The following UBTF variants were observed in gnomAD, a reference collection of about 807,000 sequenced individuals.
The protein encoded by UBTF is nucleolar transcription factor 1.
A neutral mutation model predicts 112.3 loss-of-function variants in UBTF; 8 were observed. The ratio of observed to expected loss-of-function variants is 0.07; its 90% CI spans 0.04 to 0.13. The LOEUF (loss-of-function observed/expected upper bound fraction) is 0.13. Ranked by LOEUF, UBTF falls within the 10% of genes least tolerant of loss-of-function variation. The pLI, the probability that UBTF is intolerant of heterozygous loss-of-function variation, is 1.00. For synonymous variants in UBTF, 417 were observed against 373.1 expected (o/e 1.12, Z -1.36); for missense variants, 457 against 982.1 (o/e 0.47, Z 7.15).
At position 44,213,064 on chromosome 17, in the gene UBTF, CCTGT is replaced by C. The variant is rs71361564; in HGVS notation, c.540-129_540-126del. ...GGCTCAGTGGGACGGTGGCTGCCTG[CCTGT>C]CTCTGTCCCTGAGCATGACACACTA... On this transcript the variant is annotated intron_variant, in intron 6 of 20. Transcript: ENST00000436088. 2,710 of 1,543,720 alleles carry C rather than the reference CCTGT, an allele frequency of 1.8e-3. 43 individuals are homozygous for C. The African/African-American group carries it at 0.033, about 19-fold the overall frequency.
At chr17:44,216,931 G>A (rs1046118440) in intron 2 of UBTF, among the ~76,000 whole-genome samples, 22 of 152,180 alleles carry the variant, frequency 1.4e-4, no homozygotes, top group African/African-American at 4.3e-4. Flanking sequence ...AGCCAGGCTC[G>A]AACTCAAGTC....
At chr17:44,220,239 G>A (rs1184969596), upstream of UBTF, among the ~76,000 whole-genome samples, 1 of 151,924 alleles carries the variant, frequency 6.6e-6, no homozygotes, top group Non-Finnish European at 1.5e-5. Flanking sequence ...GTGCGGCCGC[G>A]GAGAGGGTGC....
chr17:44,209,741 G>A lies in UBTF; in HGVS notation c.1627-8C>T, dbSNP rs1198066648. 1 of 1,613,754 alleles carries A rather than the reference G, an allele frequency of 6.2e-7. No homozygotes were observed. The highest frequency in any genetic ancestry group is 8.5e-7 in the Non-Finnish European group (1 of 1,179,920). On this transcript the variant is annotated splice_region_variant and splice_polypyrimidine_tract_variant and intron_variant, in intron 15 of 20. Transcript: ENST00000436088. Reference sequence around the variant, plus strand: ...CATCTCACTCAGCTCTCTCTGGAGGGAGAAAGGTCACGCTCACCCCCCAGT... The same window carrying A: ...CATCTCACTCAGCTCTCTCTGGAGGAAGAAAGGTCACGCTCACCCCCCAGT...
Position 44,209,633 on chromosome 17 carries a change from C to T in UBTF, c.1715+12G>A, listed in dbSNP as rs2056522963. 1.2e-6 allele frequency: 2 copies of T among 1,614,054 alleles called. No homozygotes were observed. The highest frequency in any genetic ancestry group is 1.7e-5 in the Admixed American group (1 of 60,002). On this transcript the variant is annotated intron_variant, in intron 16 of 20. Coordinates refer to ENST00000436088, the MANE Select transcript of UBTF (RefSeq NM_014233.4). Reference sequence around the variant, plus strand: ...CCCGACCTCCAGGGCAGACTCCAACCCCCAGGCTCACATGGGAGGCTTCTT... The same window carrying T: ...CCCGACCTCCAGGGCAGACTCCAACTCCCAGGCTCACATGGGAGGCTTCTT...
Position 44,207,741 on chromosome 17 carries a change from G to A in UBTF, c.1983C>T (p.Gly661=), listed in dbSNP as rs1454817706. Residue 661 remains glycine (G), a synonymous_variant, in exon 19 of 21, where the codon GGC becomes GGT. Coordinates refer to ENST00000436088, the MANE Select transcript of UBTF (RefSeq NM_014233.4). ...NKRKSMTKLR[G]PNPKSSRTTL... The stretch of plus-strand genomic sequence containing the variant: ...TAGTCCGGCTGGATTTGGGGTTTGG[G>A]CCTCGCAGCTTGGTCATGCTCTTAC... 2.5e-6 allele frequency: 4 copies of A among 1,614,150 alleles called. No homozygotes were observed. The highest frequency in any genetic ancestry group is 3.4e-6 in the Non-Finnish European group (4 of 1,180,026).
Position 44,210,661 on chromosome 17 carries a change from G to A in UBTF, c.1359+131C>T, listed in dbSNP as rs539451782. The A allele has an allele frequency of 2.7e-4, 375 of 1,394,874 alleles. 2 individuals carry two copies. In the African/African-American group the frequency reaches 5.0e-3, roughly 19 times the overall value. 86.4% of individuals were successfully genotyped at this position (1,394,874 alleles called of 1,614,324 possible). A position where few individuals can be genotyped will look rare whatever the true frequency, so the allele number is the denominator to read the frequency against. On this transcript the variant is annotated intron_variant, in intron 13 of 20. Transcript: ENST00000436088. Reference sequence around the variant, plus strand: ...GCTTCCCGCCTTCCGGCTGCTGGGCGCCGGCCCCACGTCCCAGCCCAGGCA... The same window carrying A: ...GCTTCCCGCCTTCCGGCTGCTGGGCACCGGCCCCACGTCCCAGCCCAGGCA...
chr17:44,209,152 G>C (rs1387306861), intron 17 of UBTF, 200 bp downstream of exon 17: 29 of 519,050 alleles, frequency 5.6e-5, no homozygotes, highest in Non-Finnish European at 8.0e-5. Flanking sequence ...CTGGGCAGGA[G>C]AGCAAGACTG....
In UBTF at chr17:44,207,329, A is replaced by G; in HGVS notation, c.2208T>C (p.Asp736=). 1.2e-6 allele frequency: 2 copies of G among 1,612,350 alleles called. No homozygotes were observed. The highest frequency in any genetic ancestry group is 1.7e-6 in the Non-Finnish European group (2 of 1,179,380). ...ACTCATTATCTTCATCCTCATCGTC[A>G]TCCTCGTCGTCGTCTTCGTCCTCGT... ...EDDEDEDDDE[D]DDEDEDNESE... is the part of the protein sequence containing the mutation. Residue 736 remains aspartate, a synonymous_variant, in exon 21 of 21, where the codon GAT becomes GAC. Coordinates refer to ENST00000436088, the MANE Select transcript of UBTF (RefSeq NM_014233.4).
rs560186211 is a variant in UBTF, at chr17:44,210,813, G to A, written c.1338C>T (p.Asn446=). 5 of 1,568,138 alleles carry A rather than the reference G, an allele frequency of 3.2e-6. No individual in the cohort carries two copies. Among genetic ancestry groups the A allele is most frequent in the South Asian group, 1.2e-5 (1 of 86,262 alleles). Residue 446 remains asparagine (N), a synonymous_variant, in exon 13 of 21, where the codon AAC becomes AAT. Coordinates refer to ENST00000436088, the MANE Select transcript of UBTF (RefSeq NM_014233.4). ...ELTRLLARMW[N]DLSEKKKAKY... is the part of the protein sequence containing the mutation. ...TGACCTTCTTCTTCTCAGACAGGTC[G>A]TTCCACATTCGGGCCAGCAGGCGGG...
At chr17:44,216,727 A>G (rs1332780795) in intron 2 of UBTF, 23 bp from the exon 3 acceptor site, 1 of 1,613,250 alleles carries the variant, frequency 6.2e-7, no homozygotes, top group Non-Finnish European at 8.5e-7. Context: ...AACAGAGGCC[A>G]TCATGCCTGG....
chr17:44,210,909 C>A lies in UBTF; in HGVS notation c.1242G>T (p.Met414Ile), dbSNP rs1406279055. 1 of 1,606,910 alleles carries A rather than the reference C, an allele frequency of 6.2e-7. No individual in the cohort carries two copies. The highest frequency in any genetic ancestry group is 1.3e-5 in the African/African-American group (1 of 74,832). ...SEKPKRPVSA[M>I]FIFSEEKRRQ... is the part of the protein sequence containing the mutation. ...GCCGTTTCTCCTCCGAGAAGATGAA[C>A]ATGGCCGACACGGGCCGCTTGGGCT... The change falls in exon 13 of 21, where the codon ATG becomes ATT. Residue 414 changes from methionine to isoleucine, a missense_variant. Around this residue, in one of 7 missense-constraint regions of UBTF, gnomAD observed 108 missense variants for 137.4 expected, o/e 0.79. Transcript: ENST00000436088.
In UBTF at chr17:44,209,228, G is replaced by A. The variant is rs769198833; in HGVS notation, c.1905+124C>T. 66 of 976,482 alleles carry A rather than the reference G, an allele frequency of 6.8e-5. No homozygotes were observed. The Admixed American group carries it at 1.1e-3, about 17-fold the overall frequency. 60.5% of individuals were successfully genotyped at this position (976,482 alleles called of 1,614,324 possible). On this transcript the variant is annotated intron_variant, in intron 17 of 20. Transcript: ENST00000436088. ...AGTGACCGTTATCCTGAAGGATTGCGAGGGCATGGAATGAAATCATGAATG... is the reference window on the plus strand; with the variant it reads ...AGTGACCGTTATCCTGAAGGATTGCAAGGGCATGGAATGAAATCATGAATG...
intron 17 of UBTF, 51 bp downstream of exon 17, chr17:44,209,301 G>GGC: frequency 6.5e-7 from 1 of 1,540,598 alleles, no homozygotes; most frequent in Non-Finnish European, 8.8e-7. Flanking sequence ...GGATGGTGCT[G>GGC]GCTTAGTCTG....
intron 17 of UBTF, 47 bp from the exon 18 acceptor site, chr17:44,207,958 CT>C (rs770950501): frequency 1.3e-5 from 21 of 1,612,700 alleles, no homozygotes; most frequent in Non-Finnish European, 1.7e-5. Flanking sequence ...CCAACTACTG[CT>C]GACTGAGCAT....
chr17:44,208,006 A>G (rs1466335607), intron 17 of UBTF, 95 bp from the exon 18 acceptor site: 7 of 1,509,804 alleles, frequency 4.6e-6, no homozygotes, highest in East Asian at 2.3e-5. Context: ...GAGCATTTAT[A>G]TATCATCACC....
At chr17:44,209,817 C>T in intron 15 of UBTF, 84 bp from the exon 16 acceptor site, 2 of 1,430,262 alleles carry the variant, frequency 1.4e-6, no homozygotes, top group Non-Finnish European at 1.9e-6. Flanking sequence ...AGCACCTTAG[C>T]TGGCTGTCTT....
chr17:44,218,030 C>G, intron 2 of UBTF, 142 bp downstream of exon 2: 1 of 887,666 alleles, frequency 1.1e-6, no homozygotes, highest in Non-Finnish European at 1.8e-6. Context: ...GTGGGAGATG[C>G]TTGATTCATA....
intron 17 of UBTF, among the ~76,000 whole-genome samples, 181 bp from the exon 18 acceptor site, chr17:44,208,092 ATTT>A (rs57107684): frequency 0.029 from 3,390 of 117,462 alleles, 39 homozygotes; most frequent in African/African-American, 0.057. Context: ...CACAGCTCTA[ATTT>A]TTTTTTTTTT....
chr17:44,209,107 T>TACG, intron 17 of UBTF: 1 of 276,110 alleles, frequency 3.6e-6, no homozygotes, highest in Non-Finnish European at 6.2e-6. Flanking sequence ...AGGTGGAGGT[T>TACG]GCAGTGAGCC....
Sources: gnomAD v4.1 joint callset for allele counts (sites outside exome capture counted in the v4.1 genomes callset) on GRCh38, gnomAD v4.1.1 for gene constraint, gnomAD v4.1.1 regional missense constraint, MANE v1.5 for transcripts, NCBI Gene and HGNC (gene_info 2026-07-23, HGNC 2026-07-21) for gene names.